GMCL1: variants seen among roughly 807,000 people sequenced by gnomAD.
GMCL1 encodes the protein germ cell-less 1, spermatogenesis associated.
In GMCL1, 54 loss-of-function variants were observed where a neutral mutation model predicts 75.5. The ratio of observed to expected loss-of-function variants is 0.71; its 90% CI spans 0.57 to 0.90. The LOEUF is 0.90. Among genes scored for constraint, GMCL1 ranks in the 40% least tolerant of loss-of-function variants. GMCL1 has a pLI of 0.00. For synonymous variants in GMCL1, 210 were observed against 209.6 expected (o/e 1.00, Z -0.02); for missense variants, 537 against 622.7 (o/e 0.86, Z 1.47).
At chr2:69,860,603 A>G (rs1466494000) in intron 9 of GMCL1, among the ~76,000 whole-genome samples, 1 of 152,156 alleles carries the variant, frequency 6.6e-6, no homozygotes, top group East Asian at 1.9e-4. Flanking sequence ...TGTAAACACT[A>G]AAAATATAGT....
At chr2:69,877,317 A>T (rs1185297711) in intron 13 of GMCL1, among the ~76,000 whole-genome samples, 1 of 152,144 alleles carries the variant, frequency 6.6e-6, no homozygotes, top group Non-Finnish European at 1.5e-5. Flanking sequence ...CAGCCAAGTG[A>T]TATCCACGTG....
chr2:69,849,818 A>T lies in GMCL1; in HGVS notation c.934+76A>T, dbSNP rs1055491141. Reference sequence around the variant, plus strand: ...ATCAGGCCCCATGAGAACAGAAAATAAATAAATTAATTAATTAAATGAAAT... The same window carrying T: ...ATCAGGCCCCATGAGAACAGAAAATTAATAAATTAATTAATTAAATGAAAT... On this transcript the variant is annotated intron_variant, in intron 8 of 13. Coordinates refer to ENST00000282570, the MANE Select transcript of GMCL1 (RefSeq NM_178439.5). 14 of 794,974 alleles carry T rather than the reference A, an allele frequency of 1.8e-5. No homozygotes were observed. The East Asian group carries it at 2.1e-4, about 12-fold the overall frequency. The allele number at this position is 794,974 out of a possible 1,614,324, so 49.2% of individuals were successfully genotyped here. A position where few individuals can be genotyped will look rare whatever the true frequency, so the allele number is the denominator to read the frequency against.
intron 10 of GMCL1, among the ~76,000 whole-genome samples, chr2:69,862,662 G>A (rs761290102): frequency 8.5e-5 from 13 of 152,074 alleles, no homozygotes; most frequent in Non-Finnish European, 1.6e-4. Context: ...AGGAGGCTGA[G>A]GCAGGAGAAT....
chr2:69,854,083 G>A (rs868641974), intron 8 of GMCL1, among the ~76,000 whole-genome samples: 10 of 151,588 alleles, frequency 6.6e-5, no homozygotes, highest in East Asian at 1.9e-4. Flanking sequence ...GATTACAGGC[G>A]TGAGCCACCA....
Position 69,829,670 on chromosome 2 carries a change from G to A in GMCL1, c.-223G>A, listed in dbSNP as rs544354518. 1.9e-6 allele frequency: 1 copy of A among 525,078 alleles called. No individual in the cohort carries two copies. The highest frequency in any genetic ancestry group is 3.3e-6 in the Non-Finnish European group (1 of 304,564). The allele number at this position is 525,078 out of a possible 1,614,324, so 32.5% of individuals were successfully genotyped here. On this transcript the variant is annotated 5_prime_UTR_variant, in exon 1 of 14. Coordinates refer to ENST00000282570, the MANE Select transcript of GMCL1 (RefSeq NM_178439.5). ...CGCCCTCCGTCCCGCGCTTTGTTGC[G>A]AAAGCGAGGGGGCGAGGTGCTGCGG... is the stretch of plus-strand genomic sequence containing the variant.
intron 8 of GMCL1, among the ~76,000 whole-genome samples, chr2:69,850,748 A>G (rs1424987117): frequency 6.6e-6 from 1 of 152,172 alleles, no homozygotes; most frequent in East Asian, 1.9e-4. Flanking sequence ...CTTAATTCCC[A>G]TGGTACAAAT....
chr2:69,866,550 C>T (rs990917742), intron 11 of GMCL1, among the ~76,000 whole-genome samples: 1 of 152,142 alleles, frequency 6.6e-6, no homozygotes, highest in African/African-American at 2.4e-5. Context: ...CTCACTGCAG[C>T]CTCAATGCTC....
chr2:69,837,518 A>G, intron 1 of GMCL1, 29 bp from the exon 2 acceptor site: 1 of 1,417,622 alleles, frequency 7.1e-7, no homozygotes. Context: ...TTTTATATAA[A>G]TATGTGACTT....
At chr2:69,847,434 T>C in intron 6 of GMCL1, 109 bp from the exon 7 acceptor site, 1 of 763,552 alleles carries the variant, frequency 1.3e-6, no homozygotes, top group South Asian at 1.5e-5. Flanking sequence ...TGCTGTCATT[T>C]TTAATTCCAC....
rs551435782 is a variant in GMCL1 at position 69,832,671 on chromosome 2, T to C, written c.260+2519T>C. Among the ~76,000 whole-genome samples the C allele has an allele frequency of 2.6e-5, 4 of 152,306 alleles. No individual in the cohort carries two copies. In the South Asian group the frequency reaches 6.2e-4, roughly 24 times the overall value. On this transcript the variant is annotated intron_variant, in intron 1 of 13. Coordinates refer to ENST00000282570, the MANE Select transcript of GMCL1 (RefSeq NM_178439.5). Reference sequence around the variant, plus strand: ...AAACAGATATCAAGTAAACAGCATATAGTTGAGTCTTGCTTCTTTTGTCCA... The same window carrying C: ...AAACAGATATCAAGTAAACAGCATACAGTTGAGTCTTGCTTCTTTTGTCCA...
At chr2:69,851,797 A>G (rs1184434477) in intron 8 of GMCL1, among the ~76,000 whole-genome samples, 2 of 152,162 alleles carry the variant, frequency 1.3e-5, no homozygotes, top group Non-Finnish European at 2.9e-5. Flanking sequence ...TGATGAATAG[A>G]TATTCTTAGT....
intron 9 of GMCL1, 142 bp downstream of exon 9, chr2:69,855,102 C>G (rs1409472433): frequency 1.6e-6 from 1 of 611,444 alleles, no homozygotes; most frequent in Admixed American, 3.6e-5. Flanking sequence ...TGGAATCATC[C>G]TATAGAAGTA....
chr2:69,873,531 A>G (rs1477440290), intron 13 of GMCL1: 2 of 151,930 alleles, frequency 1.3e-5, no homozygotes, highest in Non-Finnish European at 2.9e-5. Flanking sequence ...TGAAAAACAT[A>G]TATATTTAGA....
chr2:69,867,953 T>A (rs1010608045), intron 11 of GMCL1, among the ~76,000 whole-genome samples: 1 of 152,238 alleles, frequency 6.6e-6, no homozygotes, highest in Non-Finnish European at 1.5e-5. Context: ...GAAAAGAGAA[T>A]CTGTACATCA....
intron 10 of GMCL1, among the ~76,000 whole-genome samples, chr2:69,863,398 A>G (rs1675714841): frequency 1.3e-5 from 2 of 152,184 alleles, no homozygotes; most frequent in South Asian, 4.1e-4. Context: ...GGAAGACACT[A>G]TATTCCCTGG....
chr2:69,837,230 A>G (rs1210764294), intron 1 of GMCL1, among the ~76,000 whole-genome samples: 1 of 152,212 alleles, frequency 6.6e-6, no homozygotes, highest in African/African-American at 2.4e-5. Context: ...TTCTTAATCT[A>G]TTGAATGGGT....
chr2:69,830,186 C>G (rs753890627), intron 1 of GMCL1, 34 bp downstream of exon 1: 1 of 1,541,338 alleles, frequency 6.5e-7, no homozygotes, highest in East Asian at 2.4e-5. Flanking sequence ...CGGACCCGGA[C>G]CCGCACCTGT....
chr2:69,875,798 G>A (rs902710481), intron 13 of GMCL1, among the ~76,000 whole-genome samples: 3 of 151,778 alleles, frequency 2.0e-5, no homozygotes, highest in Non-Finnish European at 4.4e-5. Context: ...GGGTTCAAGC[G>A]ATTCCCCTGC....
Position 69,829,805 on chromosome 2 carries a change from G to A in GMCL1, c.-88G>A. 4 of 1,409,852 alleles carry A rather than the reference G, an allele frequency of 2.8e-6. No individual in the cohort carries two copies. The highest frequency in any genetic ancestry group is 3.7e-6 in the Non-Finnish European group (4 of 1,071,316). The allele number at this position is 1,409,852 out of a possible 1,614,324, so 87.3% of individuals were successfully genotyped here. On this transcript the variant is annotated 5_prime_UTR_variant, in exon 1 of 14. Transcript: ENST00000282570. The stretch of plus-strand genomic sequence containing the variant: ...TGAGAAGGTGGCGGTGTAGGCACCT[G>A]CGCTCGGGGAAGGCTGGCGGCGGCG...
Sources: allele counts gnomAD v4.1 joint callset (sites outside exome capture counted in the v4.1 genomes callset), GRCh38; gene constraint gnomAD v4.1.1; transcripts MANE v1.5; gene names NCBI Gene and HGNC (gene_info 2026-07-23, HGNC 2026-07-21).